PTPRN2: variants seen among roughly 807,000 people sequenced by gnomAD.
PTPRN2 encodes receptor-type tyrosine-protein phosphatase N2.
PTPRN2 carries 74 observed loss-of-function variants against 118.8 expected under a neutral mutation model. The ratio of observed to expected loss-of-function variants is 0.62; its 90% CI spans 0.52 to 0.76. The LOEUF (loss-of-function observed/expected upper bound fraction) is 0.76, where lower values mean the gene tolerates loss of function less well. Among genes scored for constraint, PTPRN2 ranks in the 30% least tolerant of loss-of-function variants. The pLI is 0.00. For synonymous variants in PTPRN2, 641 were observed against 608.0 expected, an observed-to-expected ratio of 1.05 and a Z score of -0.80; for missense variants, 1,481 against 1,394.4, an observed-to-expected ratio of 1.06 and a Z score of -0.99.
intron 2 of PTPRN2, among the ~76,000 whole-genome samples, chr7:158,322,816 G>T (rs1327576225): frequency 2.0e-5 from 3 of 152,262 alleles, no homozygotes; most frequent in Non-Finnish European, 4.4e-5. Context: ...GCAGGCTCTT[G>T]AATGGGTCTG....
At chr7:157,652,745 A>T (rs944897507) in intron 14 of PTPRN2, among the ~76,000 whole-genome samples, 8 of 152,154 alleles carry the variant, frequency 5.3e-5, no homozygotes, top group African/African-American at 1.9e-4. Context: ...GGATCCCCCC[A>T]TCGGGGCAGG....
chr7:158,324,048 T>G (rs201084465), intron 2 of PTPRN2, among the ~76,000 whole-genome samples: 1 of 84,596 alleles, frequency 1.2e-5, no homozygotes, highest in Non-Finnish European at 2.4e-5. Flanking sequence ...TACACACACA[T>G]TTGCAAACGT....
intron 3 of PTPRN2, among the ~76,000 whole-genome samples, chr7:158,232,523 G>A (rs1019596678): frequency 2.0e-5 from 3 of 151,870 alleles, no homozygotes; most frequent in Non-Finnish European, 4.4e-5. Flanking sequence ...AACATTTGAA[G>A]AAATAATACC....
At position 157,779,547 on chromosome 7, in the gene PTPRN2, C is replaced by A. The variant is rs75078613; in HGVS notation, c.1789-96610G>T. On this transcript the variant is annotated intron_variant, in intron 12 of 22. Transcript: ENST00000389418. This position sits in a 1 kb window ranked among gnomAD's most constrained non-coding sequence, Gnocchi z 4.7. ...GCCCTCCACGTTGTCCCCAGCAGGG[C>A]GACGGAGGGTGGGGGCGGCAGGCTG... Among the ~76,000 whole-genome samples the A allele has an allele frequency of 0.031, 4,788 of 152,268 alleles. 239 individuals are homozygous for A. Among genetic ancestry groups the A allele is most frequent in the African/African-American group, 0.11 (4,504 of 41,532 alleles).
At chr7:157,922,106 A>G (rs1288303711) in intron 11 of PTPRN2, among the ~76,000 whole-genome samples, 1 of 152,236 alleles carries the variant, frequency 6.6e-6, no homozygotes, top group African/African-American at 2.4e-5. Context: ...CCCTGGTTAG[A>G]TGTTCAAATA....
chr7:157,554,672 C>T (rs1046700935), intron 21 of PTPRN2, among the ~76,000 whole-genome samples: 4 of 152,164 alleles, frequency 2.6e-5, no homozygotes, highest in African/African-American at 9.7e-5. Flanking sequence ...AGTGGTGTGA[C>T]GCTGACATCG....
intron 3 of PTPRN2, among the ~76,000 whole-genome samples, chr7:158,239,363 G>A (rs555727021): frequency 3.4e-4 from 52 of 152,298 alleles, no homozygotes; most frequent in Admixed American, 2.2e-3. Context: ...CAAGGAGCCC[G>A]GAGCTGGTAT....
chr7:158,458,254 C>G (rs1352682688), intron 2 of PTPRN2, among the ~76,000 whole-genome samples: 1 of 152,158 alleles, frequency 6.6e-6, no homozygotes, highest in Non-Finnish European at 1.5e-5. Flanking sequence ...TTTCAAAGGA[C>G]AATGCTCAGA....
intron 11 of PTPRN2, among the ~76,000 whole-genome samples, chr7:158,076,692 T>G (rs1806465): frequency 0.044 from 6,667 of 152,184 alleles, 266 homozygotes; most frequent in African/African-American, 0.1. Context: ...CCTCTCACCT[T>G]CAGCCCCTGA....
chr7:157,657,381 A>C (rs868735609), intron 13 of PTPRN2, among the ~76,000 whole-genome samples: 1 of 83,134 alleles, frequency 1.2e-5, no homozygotes, highest in South Asian at 4.5e-4. Flanking sequence ...TACACACACA[A>C]ACGCCACACA....
intron 10 of PTPRN2, among the ~76,000 whole-genome samples, chr7:158,083,422 G>A (rs1014843095): frequency 1.3e-5 from 2 of 152,200 alleles, no homozygotes; most frequent in African/African-American, 4.8e-5. Context: ...CTGTGAAACT[G>A]TAATCTCGAC....
At chr7:157,747,755 G>A (rs558464414) in intron 12 of PTPRN2, among the ~76,000 whole-genome samples, 10 of 127,352 alleles carry the variant, frequency 7.9e-5, no homozygotes, top group Admixed American at 5.9e-4. Flanking sequence ...CTGAGCTCTG[G>A]GCTGTCCGGG....
At chr7:158,441,056 G>A (rs939227230) in intron 2 of PTPRN2, among the ~76,000 whole-genome samples, 4 of 54,804 alleles carry the variant, frequency 7.3e-5, no homozygotes, top group African/African-American at 1.4e-4. Flanking sequence ...TGGTGGTAGT[G>A]ATGGGGGTGG....
Position 158,587,673 on chromosome 7 carries a change from C to G in PTPRN2, c.-4G>C, listed in dbSNP as rs1192600024. 2 of 1,325,038 alleles carry G rather than the reference C, an allele frequency of 1.5e-6. No individual in the cohort carries two copies. Among genetic ancestry groups the G allele is most frequent in the Non-Finnish European group, 1.9e-6 (2 of 1,040,554 alleles). 82.1% of individuals were successfully genotyped at this position (1,325,038 alleles called of 1,614,324 possible). On this transcript the variant is annotated 5_prime_UTR_variant, in exon 1 of 23. Coordinates refer to ENST00000389418, the MANE Select transcript of PTPRN2 (RefSeq NM_002847.5). ...GCAGCGGGAGCGGCGGCCCCATCCC[C>G]GCGGCCTGGCCGGCGGCGCTCAGTC... is the stretch of plus-strand genomic sequence containing the variant.
intron 2 of PTPRN2, among the ~76,000 whole-genome samples, chr7:158,326,670 ACACACATGCACAGTCT>A (rs1803565976): frequency 6.8e-6 from 1 of 147,100 alleles, no homozygotes; most frequent in Non-Finnish European, 1.5e-5. Flanking sequence ...TCTCACATGC[ACACACATGCACAGTCT>A]CACACATGCA....
At chr7:158,215,782 A>G (rs1225612539) in intron 3 of PTPRN2, among the ~76,000 whole-genome samples, 9 of 152,218 alleles carry the variant, frequency 5.9e-5, no homozygotes, top group African/African-American at 2.2e-4. Flanking sequence ...TACCCAGTGA[A>G]GTTATCCTTC....
intron 1 of PTPRN2, among the ~76,000 whole-genome samples, chr7:158,499,427 A>G (rs1472753999): frequency 6.6e-6 from 1 of 152,226 alleles, no homozygotes; most frequent in East Asian, 1.9e-4. Flanking sequence ...TAAATTTAAC[A>G]AACTCTTTAC....
At chr7:157,696,332 T>C (rs79222547) in intron 12 of PTPRN2, among the ~76,000 whole-genome samples, 154 of 98,414 alleles carry the variant, frequency 1.6e-3, no homozygotes, top group Admixed American at 4.9e-3. Flanking sequence ...TGGGTCTTAG[T>C]AGAGCCCTCA....
chr7:157,595,240 G>T lies in PTPRN2; in HGVS notation c.2494C>A (p.Gln832Lys). Residue 832 changes from glutamine to lysine, a missense_variant and splice_region_variant, in exon 17 of 23, where the codon CAG becomes AAG. Physicochemically the swap from Gln to Lys is moderately conservative, Grantham distance 53 (BLOSUM62 1). Around this residue, in one of 3 missense-constraint regions of PTPRN2, gnomAD observed 362 missense variants for 384.1 expected, o/e 0.94. Coordinates refer to ENST00000389418, the MANE Select transcript of PTPRN2 (RefSeq NM_002847.5). ...PLPATVADFW[Q>K]MVWESGCVVI... ...GATTTTAATTTAAAAATGTTCACCTGCCAAAAGTCAGCCACGGTGGCGGGC... is the reference window on the plus strand; with the variant it reads ...GATTTTAATTTAAAAATGTTCACCTTCCAAAAGTCAGCCACGGTGGCGGGC... The T allele has an allele frequency of 6.2e-7, 1 of 1,614,058 alleles. No individual in the cohort carries two copies. The highest frequency in any genetic ancestry group is 1.6e-4 in the Middle Eastern group (1 of 6,062).
Sources: gnomAD v4.1 joint callset for allele counts (sites outside exome capture counted in the v4.1 genomes callset) on GRCh38, gnomAD v4.1.1 for gene constraint, gnomAD v4.1.1 regional missense constraint, Gnocchi (gnomAD v3.1) non-coding constraint, MANE v1.5 for transcripts, NCBI Gene and HGNC (gene_info 2026-07-23, HGNC 2026-07-21) for gene names.